Variants in DCC observed in about 807,000 individuals in gnomAD.
The protein encoded by DCC is netrin receptor DCC.
A neutral mutation model predicts 172.5 loss-of-function variants in DCC; 58 were observed. The ratio of observed to expected loss-of-function variants is 0.34; its 90% CI spans 0.27 to 0.42. DCC has a LOEUF of 0.42. Ranked by LOEUF, DCC falls within the 10% of genes least tolerant of loss-of-function variation. The pLI, the probability that DCC is intolerant of heterozygous loss-of-function variation, is 1.00. For synonymous variants in DCC, 709 were observed against 644.5 expected (o/e 1.10, Z -1.52); for missense variants, 1,740 against 1,791.0 (o/e 0.97, Z 0.51).
intron 2 of DCC, among the ~76,000 whole-genome samples, chr18:52,761,999 T>C (rs1209229433): frequency 2.0e-5 from 3 of 152,086 alleles, no homozygotes; most frequent in African/African-American, 7.2e-5. Context: ...CCACAGAATT[T>C]ATCACAGGTT....
chr18:53,518,874 C>T (rs1017433615), intron 27 of DCC, among the ~76,000 whole-genome samples: 4 of 152,148 alleles, frequency 2.6e-5, no homozygotes, highest in Middle Eastern at 6.8e-3. Flanking sequence ...AACGTAATAC[C>T]ACTTATTTTT....
rs116119601 is a variant in DCC, at chr18:53,179,134, C to A, written c.1573+18C>A. The A allele has an allele frequency of 3.1e-6, 5 of 1,610,480 alleles. No individual in the cohort carries two copies. The South Asian group carries it at 4.4e-5, about 14-fold the overall frequency. ...GCCTGAGTGTGAGTATGAAAAGGAA[C>A]GGGCCACATTTAAAAAGTATTTATT... is the stretch of plus-strand genomic sequence containing the variant. On this transcript the variant is annotated intron_variant, in intron 9 of 28. Coordinates refer to ENST00000442544, the MANE Select transcript of DCC (RefSeq NM_005215.4).
chr18:53,159,026 C>A (rs1336348753), intron 8 of DCC, among the ~76,000 whole-genome samples: 1 of 143,702 alleles, frequency 7.0e-6, no homozygotes, highest in Non-Finnish European at 1.5e-5. Context: ...TAGGCATACC[C>A]ATATTGCCTT....
chr18:53,232,755 C>A (rs1037587770), intron 12 of DCC, among the ~76,000 whole-genome samples: 1 of 152,070 alleles, frequency 6.6e-6, no homozygotes, highest in South Asian at 2.1e-4. Context: ...TTTCATCCAC[C>A]ATACCCAGGC....
At chr18:52,366,638 T>G (rs1984870792) in intron 1 of DCC, among the ~76,000 whole-genome samples, 1 of 151,290 alleles carries the variant, frequency 6.6e-6, no homozygotes, top group Non-Finnish European at 1.5e-5. Context: ...AAACACAGGG[T>G]GCTGATTGGT....
chr18:52,343,906 G>T (rs1034698881), intron 1 of DCC, among the ~76,000 whole-genome samples: 1 of 151,138 alleles, frequency 6.6e-6, no homozygotes, highest in African/African-American at 2.4e-5. Flanking sequence ...GGGGTAGGCT[G>T]GCAGTCCACT....
At chr18:53,078,387 A>G (rs879358132) in intron 7 of DCC, among the ~76,000 whole-genome samples, 1 of 152,164 alleles carries the variant, frequency 6.6e-6, no homozygotes, top group Non-Finnish European at 1.5e-5. Flanking sequence ...ATTCAAAGAA[A>G]CATTAAGTCT....
At chr18:52,352,675 A>C (rs1984178374) in intron 1 of DCC, among the ~76,000 whole-genome samples, 1 of 152,172 alleles carries the variant, frequency 6.6e-6, no homozygotes, top group Non-Finnish European at 1.5e-5. Context: ...TTCTCTGTGG[A>C]GGAGTGGCTC....
intron 5 of DCC, among the ~76,000 whole-genome samples, chr18:53,035,118 C>A (rs1480800257): frequency 6.6e-6 from 1 of 151,626 alleles, no homozygotes; most frequent in South Asian, 2.1e-4. Flanking sequence ...ATGTAATGAT[C>A]AAGTCAGGGT....
chr18:52,876,562 T>C (rs566242511), intron 2 of DCC, among the ~76,000 whole-genome samples: 5 of 152,380 alleles, frequency 3.3e-5, no homozygotes, highest in Admixed American at 6.5e-5. Flanking sequence ...CTGTGCTTTA[T>C]AGTGACAATT....
chr18:52,985,143 C>T (rs1172129751), intron 5 of DCC, among the ~76,000 whole-genome samples: 1 of 151,904 alleles, frequency 6.6e-6, no homozygotes, highest in African/African-American at 2.4e-5. Flanking sequence ...GATATTTTTC[C>T]TTTTTACTCC....
intron 5 of DCC, among the ~76,000 whole-genome samples, chr18:52,946,554 C>A (rs1204312835): frequency 6.6e-6 from 1 of 152,060 alleles, no homozygotes; most frequent in African/African-American, 2.4e-5. Context: ...GGGTTCAAGT[C>A]TGCCCTGTGT....
At chr18:52,822,607 A>G (rs1317970765) in intron 2 of DCC, among the ~76,000 whole-genome samples, 1 of 152,246 alleles carries the variant, frequency 6.6e-6, no homozygotes, top group Non-Finnish European at 1.5e-5. Context: ...TGTTGAGAGA[A>G]TGTCAAGCTG....
At chr18:53,468,380 T>TTTATTTTATTTATTTATTTATTTTA (rs1555675979) in intron 25 of DCC, among the ~76,000 whole-genome samples, 1 of 135,150 alleles carries the variant, frequency 7.4e-6, no homozygotes, top group Non-Finnish European at 1.5e-5. Context: ...TATTTATTTA[T>TTTATTTTATTTATTTATTTATTTTA]TTTATTTATT....
chr18:52,382,444 A>T (rs890226609), intron 1 of DCC, among the ~76,000 whole-genome samples: 1 of 152,170 alleles, frequency 6.6e-6, no homozygotes, highest in African/African-American at 2.4e-5. Context: ...TAATGAAGAA[A>T]ATACCATAAT....
In DCC at chr18:53,351,337, G is replaced by GTATA. The variant is rs1165093443; in HGVS notation, c.2359+11439_2359+11442dup. 3.0e-3 allele frequency among the ~76,000 whole-genome samples: 35 copies of GTATA among 11,642 alleles called. 2 individuals carry two copies. The highest frequency in any genetic ancestry group is 6.7e-3 in the African/African-American group (29 of 4,320). 7.6% of individuals were successfully genotyped at this position (11,642 alleles called of 152,430 possible). A position where few individuals can be genotyped will look rare whatever the true frequency, so the allele number is the denominator to read the frequency against. On this transcript the variant is annotated intron_variant, in intron 15 of 28. Coordinates refer to ENST00000442544, the MANE Select transcript of DCC (RefSeq NM_005215.4). ...TATACACTGTATATATATATACAGTGTATATATATATACACAGTATATATA... is the reference window on the plus strand; with the variant it reads ...TATACACTGTATATATATATACAGTGTATATATATATATATACACAGTATATATA...
At chr18:52,374,406 G>A (rs768867534) in intron 1 of DCC, among the ~76,000 whole-genome samples, 7 of 152,084 alleles carry the variant, frequency 4.6e-5, no homozygotes, top group Non-Finnish European at 8.8e-5. Flanking sequence ...GAACAAGTAT[G>A]TTCAGTTCCA....
intron 27 of DCC, among the ~76,000 whole-genome samples, chr18:53,522,806 C>T (rs964509395): frequency 1.3e-5 from 2 of 151,938 alleles, no homozygotes; most frequent in African/African-American, 4.8e-5. Flanking sequence ...TAAAACCATA[C>T]AAACCCTGGA....
chr18:52,622,493 G>C (rs2034498406), intron 1 of DCC, among the ~76,000 whole-genome samples: 1 of 152,116 alleles, frequency 6.6e-6, no homozygotes, highest in Non-Finnish European at 1.5e-5. Flanking sequence ...CCAACTATGA[G>C]GACAACTATT....
Sources: allele counts gnomAD v4.1 joint callset (sites outside exome capture counted in the v4.1 genomes callset), GRCh38; gene constraint gnomAD v4.1.1; transcripts MANE v1.5; gene names NCBI Gene and HGNC (gene_info 2026-07-23, HGNC 2026-07-21).